LASP1: variants seen among roughly 807,000 people sequenced by gnomAD.
LASP1 encodes LIM and SH3 domain protein 1.
Under a neutral mutation model 38.6 loss-of-function variants are expected in LASP1, and 10 were observed. The ratio of observed to expected loss-of-function variants is 0.26; its 90% CI spans 0.16 to 0.44. LASP1 has a LOEUF of 0.44. Ranked by LOEUF, LASP1 falls within the 20% of genes least tolerant of loss-of-function variation. The pLI, the probability that LASP1 is intolerant of heterozygous loss-of-function variation, is 1.00. For synonymous variants in LASP1, 132 were observed against 140.8 expected, an observed-to-expected ratio of 0.94 and a Z score of 0.44; for missense variants, 243 against 375.7, an observed-to-expected ratio of 0.65 and a Z score of 2.92.
intron 4 of LASP1, 135 bp from the exon 5 acceptor site, chr17:38,914,190 C>A: frequency 9.7e-7 from 1 of 1,030,222 alleles, no homozygotes; most frequent in Non-Finnish European, 1.4e-6. Flanking sequence ...ACAGCTGGTG[C>A]TTCCAGAGCG....
At chr17:38,882,056 T>A (rs538699487) in intron 2 of LASP1, among the ~76,000 whole-genome samples, 1 of 152,310 alleles carries the variant, frequency 6.6e-6, no homozygotes, top group Admixed American at 6.5e-5. Context: ...GTTACACACA[T>A]GCCTGGTGTG....
intron 5 of LASP1, 82 bp downstream of exon 5, chr17:38,914,557 A>C (rs1280157490): frequency 2.7e-6 from 4 of 1,465,416 alleles, no homozygotes; most frequent in Non-Finnish European, 3.7e-6. Context: ...ACAGACAGAC[A>C]GATACACCTT....
chr17:38,893,936 C>G (rs1914413709), intron 3 of LASP1, among the ~76,000 whole-genome samples: 1 of 152,248 alleles, frequency 6.6e-6, no homozygotes, highest in African/African-American at 2.4e-5. Context: ...TCTGGGCCTG[C>G]CTTGCCCTTC....
In LASP1 at chr17:38,898,392, C is replaced by T. The variant is rs962987675; in HGVS notation, c.250-20C>T. 6.5e-6 allele frequency: 10 copies of T among 1,533,096 alleles called. No homozygotes were observed. The African/African-American group carries it at 1.2e-4, about 19-fold the overall frequency. 95.0% of individuals were successfully genotyped at this position (1,533,096 alleles called of 1,614,324 possible). On this transcript the variant is annotated intron_variant, in intron 3 of 6. Transcript: ENST00000318008. ...TCGGCTCCTGGCCTGACTCCAATCC[C>T]TCTTCCTCCCCTCCTGCAGGTGCGC...
chr17:38,875,090 A>T (rs226218), intron 1 of LASP1, among the ~76,000 whole-genome samples: 38,898 of 120,860 alleles, frequency 0.32, 5,392 homozygotes, highest in East Asian at 0.43. Flanking sequence ...TGTGTGTGTG[A>T]GAAAGTGGGT....
At chr17:38,906,066 A>G (rs1914770337) in intron 4 of LASP1, among the ~76,000 whole-genome samples, 1 of 152,106 alleles carries the variant, frequency 6.6e-6, no homozygotes, top group Non-Finnish European at 1.5e-5. Flanking sequence ...TCTCTAAAAA[A>G]TAAATAAATA....
In LASP1 at chr17:38,920,848, C is replaced by T. The variant is rs1438389416; in HGVS notation, c.*2070C>T. ...GTGGCGCTGGTGCATTCTGTTTCCTCTTGATCTCAAAGCACAATGTGGATT... is the reference window on the plus strand; with the variant it reads ...GTGGCGCTGGTGCATTCTGTTTCCTTTTGATCTCAAAGCACAATGTGGATT... On this transcript the variant is annotated 3_prime_UTR_variant, in exon 7 of 7. Transcript: ENST00000318008. The T allele has an allele frequency of 4.3e-6, 1 of 232,526 alleles. No individual in the cohort carries two copies. The highest frequency in any genetic ancestry group is 2.2e-5 in the African/African-American group (1 of 45,214). The allele number at this position is 232,526 out of a possible 1,614,324, so 14.4% of individuals were successfully genotyped here. A position where few individuals can be genotyped will look rare whatever the true frequency, so the allele number is the denominator to read the frequency against.
intron 1 of LASP1, among the ~76,000 whole-genome samples, chr17:38,874,286 C>G (rs1598102331): frequency 6.6e-6 from 1 of 152,190 alleles, no homozygotes; most frequent in Non-Finnish European, 1.5e-5. Context: ...TGCTCTGGGA[C>G]AGAGCCCATG....
chr17:38,892,551 G>GAGACAC (rs917903149), intron 3 of LASP1, among the ~76,000 whole-genome samples: 10 of 143,746 alleles, frequency 7.0e-5, no homozygotes, highest in African/African-American at 2.6e-4. Context: ...GGTCTTTGGA[G>GAGACAC]ACACACACAC....
At chr17:38,870,936 A>G (rs950804595) in intron 1 of LASP1, among the ~76,000 whole-genome samples, 1 of 151,620 alleles carries the variant, frequency 6.6e-6, no homozygotes, top group East Asian at 1.9e-4. Flanking sequence ...TTAAAAGCCA[A>G]CTCCCGGTGC....
chr17:38,870,104 C>CA lies in LASP1; in HGVS notation c.-85dup. 1 of 1,482,338 alleles carries CA rather than the reference C, an allele frequency of 6.7e-7. No homozygotes were observed. Among genetic ancestry groups the CA allele is most frequent in the Non-Finnish European group, 9.3e-7 (1 of 1,075,574 alleles). The allele number at this position is 1,482,338 out of a possible 1,614,324, so 91.8% of individuals were successfully genotyped here. ...GCCGTCGCTGCTGCCTGTGTAGTTGCAGCCGCGGCCGCCTCCCGCCAGCTC... is the reference window on the plus strand; with the variant it reads ...GCCGTCGCTGCTGCCTGTGTAGTTGCAAGCCGCGGCCGCCTCCCGCCAGCTC... On this transcript the variant is annotated 5_prime_UTR_variant, in exon 1 of 7. Coordinates refer to ENST00000318008, the MANE Select transcript of LASP1 (RefSeq NM_006148.4).
At chr17:38,899,105 C>T (rs986622922) in intron 4 of LASP1, 6 of 289,820 alleles carry the variant, frequency 2.1e-5, no homozygotes, top group Non-Finnish European at 4.2e-5. Context: ...TCAACTGTCC[C>T]CAGCATCGTG....
intron 2 of LASP1, among the ~76,000 whole-genome samples, chr17:38,881,824 G>T (rs990031704): frequency 6.6e-6 from 1 of 152,206 alleles, no homozygotes; most frequent in Non-Finnish European, 1.5e-5. Context: ...GGGGAGCTAG[G>T]ATCTTGCAGG....
At chr17:38,907,801 T>C (rs571998859) in intron 4 of LASP1, among the ~76,000 whole-genome samples, 1 of 152,348 alleles carries the variant, frequency 6.6e-6, no homozygotes, top group South Asian at 2.1e-4. Context: ...CCCAGCCCTT[T>C]ATGGGAATAC....
intron 4 of LASP1, among the ~76,000 whole-genome samples, chr17:38,903,148 G>C (rs747573817): frequency 7.2e-5 from 11 of 152,182 alleles, no homozygotes; most frequent in Non-Finnish European, 1.6e-4. Context: ...GTCTGCTTTG[G>C]ATAAGTGCAG....
chr17:38,901,641 C>T (rs569884613), intron 4 of LASP1, among the ~76,000 whole-genome samples: 20 of 152,318 alleles, frequency 1.3e-4, no homozygotes, highest in African/African-American at 4.8e-4. Flanking sequence ...GACACATTCC[C>T]TGGGTTTCTG....
rs1260797798 is a variant in LASP1 at position 38,921,302 on chromosome 17, AC to A, written c.*2526del. The A allele has an allele frequency of 8.7e-6, 2 of 230,922 alleles. No homozygotes were observed. Among genetic ancestry groups the A allele is most frequent in the Non-Finnish European group, 8.6e-6 (1 of 116,448 alleles). 14.3% of individuals were successfully genotyped at this position (230,922 alleles called of 1,614,324 possible). A position where few individuals can be genotyped will look rare whatever the true frequency, so the allele number is the denominator to read the frequency against. ...TAGAATGTGAATATAACTTTTGTGG[AC>A]CAATACTAAGAATAACAAGAAGCCC... On this transcript the variant is annotated 3_prime_UTR_variant, in exon 7 of 7. Transcript: ENST00000318008.
intron 2 of LASP1, among the ~76,000 whole-genome samples, chr17:38,884,033 T>C (rs1384979603): frequency 1.3e-5 from 2 of 151,830 alleles, no homozygotes; most frequent in Non-Finnish European, 2.9e-5. Flanking sequence ...TTTTTTTTTT[T>C]TCCTTTTGGT....
chr17:38,891,276 A>G (rs1483494052), intron 3 of LASP1, among the ~76,000 whole-genome samples: 2 of 152,098 alleles, frequency 1.3e-5, no homozygotes, highest in African/African-American at 4.8e-5. Flanking sequence ...CCACGTGGGC[A>G]GCGCGCCCAG....
Sources: gnomAD v4.1 joint callset for allele counts (sites outside exome capture counted in the v4.1 genomes callset) on GRCh38, gnomAD v4.1.1 for gene constraint, MANE v1.5 for transcripts, NCBI Gene and HGNC (gene_info 2026-07-23, HGNC 2026-07-21) for gene names.